TNPO3: variants seen among roughly 807,000 people sequenced by gnomAD.
The protein encoded by TNPO3 is transportin-3.
Under a neutral mutation model 122.8 loss-of-function variants are expected in TNPO3, and 65 were observed. That is an observed-to-expected ratio of 0.53 (90% CI 0.43 to 0.65). The LOEUF (loss-of-function observed/expected upper bound fraction) is 0.65. TNPO3 is among the 30% of genes least tolerant of loss of function. The probability of loss-of-function intolerance (pLI) is 0.00; values close to 1 mark genes in which losing one functional copy is unlikely to be tolerated. For synonymous variants in TNPO3, 372 were observed against 411.2 expected, an observed-to-expected ratio of 0.90 and a Z score of 1.15; for missense variants, 850 against 1,136.7, an observed-to-expected ratio of 0.75 and a Z score of 3.63.
intron 4 of TNPO3, among the ~76,000 whole-genome samples, chr7:129,011,163 A>C (rs564085633): frequency 6.6e-6 from 1 of 152,306 alleles, no homozygotes; most frequent in African/African-American, 2.4e-5. Context: ...AACATGCTAA[A>C]GGAAACGAAG....
chr7:128,990,072 G>T lies in TNPO3; in HGVS notation c.1387C>A (p.Leu463Ile), dbSNP rs763068586. ...TCCGGGAGGCGGACAACTCCTTCTAGGACTTCCACAAGTGTTGGATTGTTT... is the reference window on the plus strand; with the variant it reads ...TCCGGGAGGCGGACAACTCCTTCTATGACTTCCACAAGTGTTGGATTGTTT... The part of the protein sequence containing the change: ...PENNPTLVEV[L>I]EGVVRLPETV... Residue 463 changes from leucine to isoleucine, a missense_variant, in exon 11 of 23, where the codon CTA (leucine) becomes ATA (isoleucine). By Grantham distance (5) the Leu-to-Ile change is conservative. Transcript: ENST00000265388. 2 of 1,614,208 alleles carry T rather than the reference G, an allele frequency of 1.2e-6. No homozygotes were observed. Among genetic ancestry groups the T allele is most frequent in the Non-Finnish European group, 1.7e-6 (2 of 1,180,038 alleles).
chr7:128,974,632 T>C (rs1168575150), intron 18 of TNPO3, among the ~76,000 whole-genome samples: 3 of 150,138 alleles, frequency 2.0e-5, no homozygotes, highest in Non-Finnish European at 4.5e-5. Flanking sequence ...TGCATTGTCT[T>C]GTGTGTGAGC....
chr7:129,055,176 C>T (rs73465014), upstream of TNPO3: 307 of 161,626 alleles, frequency 1.9e-3, 2 homozygotes, highest in African/African-American at 6.8e-3. Flanking sequence ...CTACAAACGG[C>T]CTCCTTCCCG....
chr7:128,965,826 A>G (rs574457626), intron 21 of TNPO3, among the ~76,000 whole-genome samples: 1 of 152,374 alleles, frequency 6.6e-6, no homozygotes, highest in South Asian at 2.1e-4. Flanking sequence ...GAGGTAAGCT[A>G]ATCACAAAAA....
chr7:129,023,598 G>A (rs115927873), intron 1 of TNPO3, among the ~76,000 whole-genome samples: 1 of 152,190 alleles, frequency 6.6e-6, no homozygotes, highest in African/African-American at 2.4e-5. Flanking sequence ...CATTTCAAAA[G>A]TACTGAGAGG....
intron 1 of TNPO3, among the ~76,000 whole-genome samples, chr7:129,037,503 C>T (rs1293443632): frequency 6.6e-6 from 1 of 152,060 alleles, no homozygotes; most frequent in Non-Finnish European, 1.5e-5. Context: ...GCATATAGAA[C>T]CCCTGGGACT....
At chr7:128,978,886 C>T in intron 16 of TNPO3, 97 bp downstream of exon 16, 1 of 1,436,014 alleles carries the variant, frequency 7.0e-7, no homozygotes, top group Non-Finnish European at 9.5e-7. Context: ...CCTGCATAGG[C>T]CTCCCAAAGT....
At chr7:128,970,742 T>C (rs548709396) in intron 19 of TNPO3, 13 of 157,882 alleles carry the variant, frequency 8.2e-5, no homozygotes, top group African/African-American at 2.6e-4. Flanking sequence ...CAGCCTGGCA[T>C]GGCAGCACAC....
chr7:129,031,683 C>T (rs1276083024), intron 1 of TNPO3, among the ~76,000 whole-genome samples: 1 of 152,136 alleles, frequency 6.6e-6, no homozygotes, highest in African/African-American at 2.4e-5. Context: ...ACACTTTCTA[C>T]TCATTCTATG....
intron 1 of TNPO3, among the ~76,000 whole-genome samples, chr7:129,036,467 C>T (rs963913689): frequency 1.3e-5 from 2 of 151,916 alleles, no homozygotes; most frequent in Non-Finnish European, 1.5e-5. Context: ...AAAAGCATTA[C>T]CCTTGAAGGA....
In TNPO3 at chr7:129,000,437, G is replaced by A; in HGVS notation, c.1003C>T (p.Gln335Ter). ...AATAGCATAAACACTACCTCATATT[G>A]AGGATGGCCTGCACAGATAAGCAGC... ...ELLLICAGHP[Q>*]YEVVEISFNF... Residue 335 changes from glutamine (Q) to a stop codon, truncating the protein, a stop_gained, in exon 7 of 23, where the codon CAA becomes TAA. Transcript: ENST00000265388. LOFTEE classifies it high-confidence loss of function. 6.2e-7 allele frequency: 1 copy of A among 1,613,500 alleles called. No individual in the cohort carries two copies. The highest frequency in any genetic ancestry group is 8.5e-7 in the Non-Finnish European group (1 of 1,179,630).
intron 4 of TNPO3, 28 bp from the exon 5 acceptor site, chr7:129,005,187 A>C (rs774787383): frequency 1.5e-5 from 23 of 1,586,090 alleles, no homozygotes; most frequent in Non-Finnish European, 2.0e-5. Context: ...CTTAAAATGA[A>C]TAATGTTAAT....
Position 128,972,417 on chromosome 7 carries a change from T to G in TNPO3, c.2430+9A>C, listed in dbSNP as rs772376423. The G allele has an allele frequency of 2.4e-5, 38 of 1,606,734 alleles. No homozygotes were observed. The highest frequency in any genetic ancestry group is 5.1e-5 in the Admixed American group (3 of 58,400). ...TGTTAAGTAGAAATGGTATCATTTT[T>G]ATACTTACATCATTGGCTACCCCTG... On this transcript the variant is annotated intron_variant, in intron 19 of 22. Transcript: ENST00000265388.
At chr7:128,981,731 T>C (rs1799644750) in intron 14 of TNPO3, among the ~76,000 whole-genome samples, 1 of 139,486 alleles carries the variant, frequency 7.2e-6, no homozygotes, top group South Asian at 2.3e-4. Flanking sequence ...TTAAAGAGTC[T>C]TTTTTTTTTT....
At chr7:129,021,386 G>T (rs925173569) in intron 1 of TNPO3, among the ~76,000 whole-genome samples, 1 of 151,276 alleles carries the variant, frequency 6.6e-6, no homozygotes, top group Non-Finnish European at 1.5e-5. Flanking sequence ...AGAAAAAGGA[G>T]GAGGTTTGAC....
At chr7:129,033,104 G>C (rs1201957298) in intron 1 of TNPO3, among the ~76,000 whole-genome samples, 1 of 152,084 alleles carries the variant, frequency 6.6e-6, no homozygotes, top group African/African-American at 2.4e-5. Flanking sequence ...TAGGAAAACT[G>C]AATATTCACC....
At chr7:129,049,403 A>G (rs1264030015) in intron 1 of TNPO3, among the ~76,000 whole-genome samples, 1 of 152,210 alleles carries the variant, frequency 6.6e-6, no homozygotes, top group Non-Finnish European at 1.5e-5. Context: ...AGTCTGACCA[A>G]ATTGGAGGGG....
intron 1 of TNPO3, among the ~76,000 whole-genome samples, chr7:129,053,580 T>A (rs1264235133): frequency 1.3e-5 from 2 of 151,704 alleles, no homozygotes; most frequent in Admixed American, 1.3e-4. Flanking sequence ...TTAAATATTA[T>A]GCACTTGCAG....
intron 20 of TNPO3, 33 bp from the exon 21 acceptor site, chr7:128,967,425 G>T (rs1166967547): frequency 1.4e-6 from 2 of 1,445,348 alleles, no homozygotes; most frequent in Non-Finnish European, 1.9e-6. Flanking sequence ...AGTTTTAAAA[G>T]GAAGCATAGC....
Sources: allele counts gnomAD v4.1 joint callset (sites outside exome capture counted in the v4.1 genomes callset), GRCh38; gene constraint gnomAD v4.1.1; transcripts MANE v1.5; gene names NCBI Gene and HGNC (gene_info 2026-07-23, HGNC 2026-07-21).